SYT2: variants seen among roughly 807,000 people sequenced by gnomAD.
The protein encoded by SYT2 is synaptotagmin-2.
In SYT2, 15 loss-of-function variants were observed where a neutral mutation model predicts 39.9. The ratio of observed to expected loss-of-function variants is 0.38; its 90% CI spans 0.25 to 0.58. The LOEUF (loss-of-function observed/expected upper bound fraction) is 0.58, where lower values mean the gene tolerates loss of function less well. SYT2 is among the 20% of genes least tolerant of loss of function. SYT2 has a pLI of 0.70. For synonymous variants in SYT2, 181 were observed against 204.5 expected (o/e 0.89, Z 0.98); for missense variants, 389 against 530.3 (o/e 0.73, Z 2.62).
intron 1 of SYT2, among the ~76,000 whole-genome samples, chr1:202,625,199 GGT>G (rs138629422): frequency 1.8e-4 from 21 of 118,118 alleles, no homozygotes; most frequent in Admixed American, 2.6e-4. Flanking sequence ...CATGTAGTAG[GGT>G]GTGTGTGTGA....
At chr1:202,643,819 C>T (rs893721323) in intron 1 of SYT2, among the ~76,000 whole-genome samples, 6 of 152,256 alleles carry the variant, frequency 3.9e-5, no homozygotes, top group Admixed American at 2.6e-4. Flanking sequence ...CGGGACTCCC[C>T]CGATTCTGCC....
intron 1 of SYT2, among the ~76,000 whole-genome samples, chr1:202,635,235 C>T (rs1004065773): frequency 6.6e-6 from 1 of 152,132 alleles, no homozygotes; most frequent in African/African-American, 2.4e-5. Flanking sequence ...CTCCTAAGAC[C>T]TGATCCAGCC....
Position 202,596,749 on chromosome 1 carries a change from G to T in SYT2, c.*8C>A, listed in dbSNP as rs376817511. The T allele has an allele frequency of 8.1e-6, 13 of 1,610,814 alleles. 1 individual carries two copies. The Admixed American group carries it at 1.3e-4, about 17-fold the overall frequency. On this transcript the variant is annotated 3_prime_UTR_variant, in exon 9 of 9. Transcript: ENST00000367268. ...CCGTGAAAGGTGTGGGGTCCCAGCC[G>T]CTGCTGTCTACTTGTTCTTGCCCAG...
At chr1:202,654,318 G>T (rs972598644) in intron 1 of SYT2, among the ~76,000 whole-genome samples, 5 of 152,118 alleles carry the variant, frequency 3.3e-5, no homozygotes, top group African/African-American at 1.2e-4. Context: ...CTGCAACTCT[G>T]CTGCCCACGC....
At chr1:202,620,689 C>A (rs1691180838) in intron 1 of SYT2, among the ~76,000 whole-genome samples, 1 of 152,064 alleles carries the variant, frequency 6.6e-6, no homozygotes, top group African/African-American at 2.4e-5. Context: ...CCCAGATATG[C>A]TCAGAGCTCA....
chr1:202,686,803 CTCT>C (rs889256302), intron 1 of SYT2, among the ~76,000 whole-genome samples: 1 of 152,154 alleles, frequency 6.6e-6, no homozygotes, highest in African/African-American at 2.4e-5. Context: ...TCCTCTCTAG[CTCT>C]TCAAAGCCCA....
chr1:202,694,111 C>A (rs952304227), intron 1 of SYT2, among the ~76,000 whole-genome samples: 1 of 152,210 alleles, frequency 6.6e-6, no homozygotes, highest in Non-Finnish European at 1.5e-5. Flanking sequence ...CCCACCCGGC[C>A]CCACTTCCAA....
chr1:202,698,203 C>T (rs1654023581), intron 1 of SYT2, among the ~76,000 whole-genome samples: 1 of 152,122 alleles, frequency 6.6e-6, no homozygotes, highest in Admixed American at 6.6e-5. Context: ...TAGGTCTTTC[C>T]CCATGCCTGG....
intron 1 of SYT2, among the ~76,000 whole-genome samples, chr1:202,646,444 T>C (rs1183816787): frequency 6.6e-6 from 1 of 152,138 alleles, no homozygotes; most frequent in East Asian, 1.9e-4. Context: ...CTTGTTCTAG[T>C]CTCCCCACAA....
chr1:202,656,257 C>T (rs769885237), intron 1 of SYT2, among the ~76,000 whole-genome samples: 1 of 152,222 alleles, frequency 6.6e-6, no homozygotes, highest in Non-Finnish European at 1.5e-5. Context: ...AGAGGCTGAA[C>T]TCTGGGGTCC....
intron 1 of SYT2, among the ~76,000 whole-genome samples, chr1:202,667,465 C>CCG (rs1319322401): frequency 1.7e-5 from 2 of 120,048 alleles, no homozygotes; most frequent in African/African-American, 6.5e-5. Flanking sequence ...AAGTGACCAG[C>CCG]CGTGTGTGTG....
rs1690420879 is a variant in SYT2, at chr1:202,599,487, C to T, written c.920-136G>A. 1 of 1,001,610 alleles carries T rather than the reference C, an allele frequency of 1.0e-6. No homozygotes were observed. The highest frequency in any genetic ancestry group is 3.3e-4 in the Middle Eastern group (1 of 3,034). 62.0% of individuals were successfully genotyped at this position (1,001,610 alleles called of 1,614,324 possible). ...CTGAGACCAGGCCCTCAGAAAGCCC[C>T]AAGTCATGCCATCCAGTTCAAAGGT... is the stretch of plus-strand genomic sequence containing the variant. On this transcript the variant is annotated intron_variant, in intron 7 of 8. Coordinates refer to ENST00000367268, the MANE Select transcript of SYT2 (RefSeq NM_177402.5). The surrounding 1 kb of genome is among the most constrained non-coding windows in gnomAD (Gnocchi z 4.4).
intron 1 of SYT2, among the ~76,000 whole-genome samples, chr1:202,640,790 G>GAGAGAGAGAGAC (rs1691893942): frequency 8.3e-6 from 1 of 120,012 alleles, no homozygotes; most frequent in Non-Finnish European, 1.8e-5. Context: ...GAGAGAGAGA[G>GAGAGAGAGAGAC]AGACAGACAG....
At chr1:202,703,225 T>G (rs2149122334) in intron 1 of SYT2, among the ~76,000 whole-genome samples, 1 of 151,934 alleles carries the variant, frequency 6.6e-6, no homozygotes, top group South Asian at 2.1e-4. Flanking sequence ...AAGGAAAAAA[T>G]GAGCACCACC....
chr1:202,698,672 C>T (rs956148970), intron 1 of SYT2, among the ~76,000 whole-genome samples: 6 of 152,086 alleles, frequency 3.9e-5, no homozygotes, highest in Non-Finnish European at 5.9e-5. Flanking sequence ...CTATGTACAC[C>T]GACCCCCAGA....
At position 202,623,244 on chromosome 1, in the gene SYT2, T is replaced by A. The variant is rs921019868; in HGVS notation, c.-17-17455A>T. Among the ~76,000 whole-genome samples the A allele has an allele frequency of 6.6e-6, 1 of 152,294 alleles. No homozygotes were observed. On this transcript the variant is annotated intron_variant, in intron 1 of 8. Transcript: ENST00000367268. This position sits in a 1 kb window ranked among gnomAD's most constrained non-coding sequence, Gnocchi z 4.2. ...GAGAGGAGCTGGAGTCCAGGCTCCC[T>A]GGAGAGGGAGTTAATACTGCAGCAC...
At chr1:202,682,936 G>A (rs1035729365) in intron 1 of SYT2, among the ~76,000 whole-genome samples, 1 of 152,126 alleles carries the variant, frequency 6.6e-6, no homozygotes, top group Non-Finnish European at 1.5e-5. Context: ...AACATGAGCA[G>A]AAGACCTAAA....
At chr1:202,680,177 C>T (rs572666072) in intron 1 of SYT2, among the ~76,000 whole-genome samples, 70 of 152,348 alleles carry the variant, frequency 4.6e-4, no homozygotes, top group African/African-American at 1.7e-3. Context: ...GGCCTCCATA[C>T]ATTTTGCCTA....
chr1:202,669,094 TC>T (rs1489949806), intron 1 of SYT2, among the ~76,000 whole-genome samples: 1 of 152,238 alleles, frequency 6.6e-6, no homozygotes, highest in African/African-American at 2.4e-5. Context: ...CATGAAAATA[TC>T]AGTGAGGCTA....
Sources: allele counts gnomAD v4.1 joint callset (sites outside exome capture counted in the v4.1 genomes callset), GRCh38; gene constraint gnomAD v4.1.1; non-coding constraint Gnocchi (gnomAD v3.1); transcripts MANE v1.5; gene names NCBI Gene and HGNC (gene_info 2026-07-23, HGNC 2026-07-21).